BNC2: variants seen among roughly 807,000 people sequenced by gnomAD.
The protein encoded by BNC2 is zinc finger protein basonuclin-2.
A neutral mutation model predicts 76.3 loss-of-function variants in BNC2; 20 were observed. That is an observed-to-expected ratio of 0.26 (90% CI 0.18 to 0.38). The LOEUF (loss-of-function observed/expected upper bound fraction) is 0.38. Among genes scored for constraint, BNC2 ranks in the 10% least tolerant of loss-of-function variants. The pLI is 1.00. For missense variants in BNC2, 1,382 were observed against 1,399.8 expected, an observed-to-expected ratio of 0.99 and a Z score of 0.20; for synonymous variants, 582 against 514.8, an observed-to-expected ratio of 1.13 and a Z score of -1.77.
Position 16,813,275 on chromosome 9 carries a change from T to G in BNC2, c.3+57371A>C, listed in dbSNP as rs151039161. Among the ~76,000 whole-genome samples, 1,187 of 151,906 alleles carry G rather than the reference T, an allele frequency of 7.8e-3. 10 individuals are homozygous for G. The highest frequency in any genetic ancestry group is 0.026 in the African/African-American group (1,075 of 41,444). ...AGCAAGCAGAAAAACCATTTTTTTT[T>G]TTTGTTTTGAGACGGAGTCTGGCTC... is the stretch of plus-strand genomic sequence containing the variant. On this transcript the variant is annotated intron_variant, in intron 1 of 6. Transcript: ENST00000380672.
At chr9:16,811,578 G>C (rs368964312) in intron 1 of BNC2, among the ~76,000 whole-genome samples, 2 of 126,824 alleles carry the variant, frequency 1.6e-5, no homozygotes, top group African/African-American at 2.8e-5. Context: ...AAAAAAAACA[G>C]TGTACAGGGA....
At chr9:16,860,787 A>C (rs974778309) in intron 1 of BNC2, among the ~76,000 whole-genome samples, 12 of 152,186 alleles carry the variant, frequency 7.9e-5, no homozygotes, top group Non-Finnish European at 1.2e-4. Context: ...TCATGCCAGT[A>C]ATCCCAGCAC....
At chr9:16,432,122 T>A (rs1177320020) in intron 6 of BNC2, among the ~76,000 whole-genome samples, 1 of 152,208 alleles carries the variant, frequency 6.6e-6, no homozygotes. Flanking sequence ...GAATCAGATT[T>A]TGTGTGTATT....
rs944651357 is a variant in BNC2 at position 16,417,171 on chromosome 9, C to T, written c.*1818G>A. ...AGGAAAAAAGAAAAAAAAAAGACAA[C>T]AAAACAGTCTGCAATGCACACCCTA... On this transcript the variant is annotated 3_prime_UTR_variant, in exon 7 of 7. Coordinates refer to ENST00000380672, the MANE Select transcript of BNC2 (RefSeq NM_017637.6). The T allele has an allele frequency of 7.2e-5, 11 of 152,062 alleles. No individual in the cohort carries two copies. Among genetic ancestry groups the T allele is most frequent in the African/African-American group, 2.7e-4 (11 of 41,280 alleles). The allele number at this position is 152,062 out of a possible 1,614,324, so 9.4% of individuals were successfully genotyped here.
chr9:16,434,448 C>T (rs904366443), intron 6 of BNC2, among the ~76,000 whole-genome samples: 1 of 152,134 alleles, frequency 6.6e-6, no homozygotes, highest in Non-Finnish European at 1.5e-5. Flanking sequence ...CATTGATTTC[C>T]ACCATGTTAT....
chr9:16,586,181 G>C (rs770818833), intron 3 of BNC2, among the ~76,000 whole-genome samples: 2 of 152,046 alleles, frequency 1.3e-5, no homozygotes, highest in Non-Finnish European at 2.9e-5. Context: ...GCCCAGAAGA[G>C]GGTTGGAGGC....
intron 3 of BNC2, among the ~76,000 whole-genome samples, chr9:16,677,242 T>A (rs1302139356): frequency 6.6e-6 from 1 of 152,124 alleles, no homozygotes; most frequent in Non-Finnish European, 1.5e-5. Context: ...AACTCATCTT[T>A]CTATACTATC....
chr9:16,703,010 T>C (rs1823559798), intron 3 of BNC2, among the ~76,000 whole-genome samples: 1 of 152,182 alleles, frequency 6.6e-6, no homozygotes, highest in African/African-American at 2.4e-5. Flanking sequence ...AGTGATGATA[T>C]TTTTTAAGAA....
In BNC2 at chr9:16,436,134, G is replaced by A. The variant is rs1389509644; in HGVS notation, c.2060C>T (p.Ser687Phe). 1.9e-6 allele frequency: 3 copies of A among 1,614,154 alleles called. No homozygotes were observed. Among genetic ancestry groups the A allele is most frequent in the South Asian group, 1.1e-5 (1 of 91,078 alleles). The change falls in exon 6 of 7, where the codon TCT (serine) becomes TTT (phenylalanine). Residue 687 changes from serine (S) to phenylalanine (F), a missense_variant. By Grantham distance (155) the Ser-to-Phe change is radical (BLOSUM62 -2). This residue lies in a region of BNC2 where 798 missense variants were observed against 775.5 expected (regional missense o/e 1.03). Coordinates refer to ENST00000380672, the MANE Select transcript of BNC2 (RefSeq NM_017637.6). ...HSQEEMSPGM[S>F]VKDFSKHNRT... ...GTTATGCTTAGAAAAGTCCTTCACA[G>A]ACATGCCTGGGCTCATCTCCTCTTG...
intron 5 of BNC2, among the ~76,000 whole-genome samples, chr9:16,467,866 C>G (rs990921880): frequency 1.3e-5 from 2 of 150,968 alleles, no homozygotes; most frequent in African/African-American, 4.9e-5. Flanking sequence ...AAAATGCCAT[C>G]TTCTGGATAA....
chr9:16,805,310 A>C (rs1353104883), intron 1 of BNC2, among the ~76,000 whole-genome samples: 1 of 151,826 alleles, frequency 6.6e-6, no homozygotes, highest in Non-Finnish European at 1.5e-5. Context: ...TTTCATTCAA[A>C]GGAAATTCAT....
At chr9:16,863,000 C>G (rs903854788) in intron 1 of BNC2, among the ~76,000 whole-genome samples, 1 of 151,680 alleles carries the variant, frequency 6.6e-6, no homozygotes, top group African/African-American at 2.4e-5. Flanking sequence ...CTGCAACCTC[C>G]GCCTCCCAGG....
intron 3 of BNC2, among the ~76,000 whole-genome samples, chr9:16,648,075 ATGTG>A (rs139071003): frequency 6.6e-6 from 1 of 152,016 alleles, no homozygotes; most frequent in Non-Finnish European, 1.5e-5. Flanking sequence ...GCAATAAAAT[ATGTG>A]TGTGTGTGTG....
chr9:16,549,610 T>C (rs1056057147), intron 5 of BNC2, among the ~76,000 whole-genome samples: 1 of 152,220 alleles, frequency 6.6e-6, no homozygotes, highest in East Asian at 1.9e-4. Flanking sequence ...CATTACCACA[T>C]ACAATCTTTA....
chr9:16,709,878 T>G (rs11999602), intron 3 of BNC2, among the ~76,000 whole-genome samples: 4,475 of 152,180 alleles, frequency 0.029, 221 homozygotes, highest in African/African-American at 0.1. Flanking sequence ...TTAATTAAGA[T>G]TATGTCTTCA....
chr9:16,685,021 G>A (rs928703830), intron 3 of BNC2, among the ~76,000 whole-genome samples: 2 of 152,114 alleles, frequency 1.3e-5, no homozygotes, highest in Admixed American at 1.3e-4. Context: ...GCACTCAGTT[G>A]AATGGCTGCT....
At chr9:16,546,632 G>C (rs1350069021) in intron 5 of BNC2, among the ~76,000 whole-genome samples, 1 of 152,144 alleles carries the variant, frequency 6.6e-6, no homozygotes, top group Non-Finnish European at 1.5e-5. Flanking sequence ...GGAGTATCAG[G>C]AAATAGGCAA....
At chr9:16,839,464 T>C (rs1243939739) in intron 1 of BNC2, among the ~76,000 whole-genome samples, 1 of 152,182 alleles carries the variant, frequency 6.6e-6, no homozygotes, top group Non-Finnish European at 1.5e-5. Flanking sequence ...CTATACCAAA[T>C]ATTAAGCAAT....
chr9:16,839,228 T>C (rs533240290), intron 1 of BNC2, among the ~76,000 whole-genome samples: 1 of 152,336 alleles, frequency 6.6e-6, no homozygotes, highest in East Asian at 1.9e-4. Flanking sequence ...AATATACATA[T>C]CTGAAAGTAA....
Sources: allele counts gnomAD v4.1 joint callset (sites outside exome capture counted in the v4.1 genomes callset), GRCh38; gene constraint gnomAD v4.1.1; regional missense constraint gnomAD v4.1.1; transcripts MANE v1.5; gene names NCBI Gene and HGNC (gene_info 2026-07-23, HGNC 2026-07-21).